CSMD1: variants seen among roughly 807,000 people sequenced by gnomAD.
The protein encoded by CSMD1 is CUB and Sushi multiple domains 1, also known as CUB and sushi domain-containing protein 1.
In CSMD1, 213 loss-of-function variants were observed where a neutral mutation model predicts 417.5. That is an observed-to-expected ratio of 0.51 (90% CI 0.46 to 0.57). The LOEUF (loss-of-function observed/expected upper bound fraction) is 0.57, where lower values mean the gene tolerates loss of function less well. Ranked by LOEUF, CSMD1 falls within the 20% of genes least tolerant of loss-of-function variation. The pLI is 0.00. For synonymous variants in CSMD1, 2,862 were observed against 1,736.8 expected (o/e 1.65, Z -16.11); for missense variants, 6,923 against 4,529.7 (o/e 1.53, Z -15.17).
Position 4,034,183 on chromosome 8 carries a change from G to A in CSMD1, c.416-2084C>T, listed in dbSNP as rs538901715. 9.0e-4 allele frequency among the ~76,000 whole-genome samples: 137 copies of A among 152,148 alleles called. 2 individuals carry two copies. The highest frequency in any genetic ancestry group is 3.3e-3 in the African/African-American group (135 of 41,514). On this transcript the variant is annotated intron_variant, in intron 3 of 69. Coordinates refer to ENST00000635120, the MANE Select transcript of CSMD1 (RefSeq NM_033225.6). ...AGAACATTTTTAGAATACGGAATAGGAATCATCTATTTCTAAAAGTATTTT... is the reference window on the plus strand; with the variant it reads ...AGAACATTTTTAGAATACGGAATAGAAATCATCTATTTCTAAAAGTATTTT...
At chr8:3,873,600 G>T (rs1418160029) in intron 5 of CSMD1, among the ~76,000 whole-genome samples, 1 of 151,792 alleles carries the variant, frequency 6.6e-6, no homozygotes, top group Non-Finnish European at 1.5e-5. Flanking sequence ...ATAACTAATG[G>T]GTACTCGGCA....
At chr8:4,118,092 A>T (rs1213277251) in intron 3 of CSMD1, among the ~76,000 whole-genome samples, 1 of 152,164 alleles carries the variant, frequency 6.6e-6, no homozygotes, top group African/African-American at 2.4e-5. Context: ...GACAAATTAT[A>T]AGGCTTGTGT....
intron 2 of CSMD1, among the ~76,000 whole-genome samples, chr8:4,559,180 T>C (rs1470893459): frequency 1.3e-5 from 2 of 152,220 alleles, no homozygotes; most frequent in East Asian, 3.9e-4. Flanking sequence ...TGTCAACTTA[T>C]GAGCATATGC....
intron 9 of CSMD1, among the ~76,000 whole-genome samples, chr8:3,582,064 G>A (rs574110827): frequency 6.6e-6 from 1 of 152,124 alleles, no homozygotes; most frequent in Non-Finnish European, 1.5e-5. Context: ...CAAAGGGCTG[G>A]GATTACAGGC....
chr8:3,439,310 T>TATATATATATATA (rs1491240170), intron 12 of CSMD1, among the ~76,000 whole-genome samples: 30 of 20,098 alleles, frequency 1.5e-3, no homozygotes, highest in African/African-American at 2.5e-3. Flanking sequence ...TATATATATA[T>TATATATATATATA]TTTTTTTTTT....
intron 5 of CSMD1, among the ~76,000 whole-genome samples, chr8:3,784,598 A>C (rs1799346895): frequency 6.6e-6 from 1 of 152,234 alleles, no homozygotes; most frequent in Admixed American, 6.5e-5. Context: ...GCTTCAATAT[A>C]TGCTTTAGCA....
At chr8:4,432,975 C>A (rs375745728) in intron 2 of CSMD1, among the ~76,000 whole-genome samples, 1 of 152,276 alleles carries the variant, frequency 6.6e-6, no homozygotes, top group African/African-American at 2.4e-5. Flanking sequence ...GCTCCACCCT[C>A]CTGTCAGATC....
chr8:3,173,226 T>C (rs931624710), intron 37 of CSMD1, among the ~76,000 whole-genome samples: 1 of 152,192 alleles, frequency 6.6e-6, no homozygotes, highest in Non-Finnish European at 1.5e-5. Context: ...TGTTATTAGT[T>C]TTTTGTGTTA....
intron 25 of CSMD1, among the ~76,000 whole-genome samples, chr8:3,306,779 T>C (rs1327601440): frequency 6.6e-6 from 1 of 152,086 alleles, no homozygotes; most frequent in Admixed American, 6.5e-5. Context: ...CCTTTTGCCT[T>C]ATGTGCTATG....
Position 2,936,385 on chromosome 8 carries a change from ATATG to A in CSMD1, c.*2196_*2199del, listed in dbSNP as rs1230485414. On this transcript the variant is annotated 3_prime_UTR_variant, in exon 70 of 70. Coordinates refer to ENST00000635120, the MANE Select transcript of CSMD1 (RefSeq NM_033225.6). ...AGATATGTACAATATATATATATAT[ATATG>A]TATGTATATATATACACTAATATGT... The A allele has an allele frequency of 1.3e-5, 2 of 150,514 alleles. No individual in the cohort carries two copies. Among genetic ancestry groups the A allele is most frequent in the Non-Finnish European group, 3.0e-5 (2 of 67,756 alleles). 9.3% of individuals were successfully genotyped at this position (150,514 alleles called of 1,614,324 possible).
At chr8:3,716,721 CCAG>C (rs1206522674) in intron 6 of CSMD1, among the ~76,000 whole-genome samples, 1 of 152,152 alleles carries the variant, frequency 6.6e-6, no homozygotes, top group African/African-American at 2.4e-5. Flanking sequence ...CTTACTTTCT[CCAG>C]CCCCTATTCA....
At chr8:4,255,183 C>T (rs1054348656) in intron 3 of CSMD1, among the ~76,000 whole-genome samples, 1 of 152,194 alleles carries the variant, frequency 6.6e-6, no homozygotes, top group African/African-American at 2.4e-5. Flanking sequence ...CTGGAAAGAG[C>T]ATGATGGGTG....
intron 3 of CSMD1, among the ~76,000 whole-genome samples, chr8:4,394,977 TAAG>T (rs1484811016): frequency 2.0e-5 from 3 of 152,154 alleles, no homozygotes; most frequent in Non-Finnish European, 4.4e-5. Context: ...AATTCACAGT[TAAG>T]AAAGGGAAGA....
At chr8:3,705,219 G>T (rs1313289522) in intron 7 of CSMD1, among the ~76,000 whole-genome samples, 1 of 152,140 alleles carries the variant, frequency 6.6e-6, no homozygotes, top group Non-Finnish European at 1.5e-5. Flanking sequence ...GGCAACAAGG[G>T]GCACAAGTTG....
intron 14 of CSMD1, among the ~76,000 whole-genome samples, chr8:3,407,019 GAGGAAGAATAGA>G (rs1812384307): frequency 6.6e-6 from 1 of 152,106 alleles, no homozygotes; most frequent in Admixed American, 6.6e-5. Flanking sequence ...GTATAGATGG[GAGGAAGAATAGA>G]AGGAAGAAAG....
chr8:4,523,540 C>G (rs1803598290), intron 2 of CSMD1, among the ~76,000 whole-genome samples: 1 of 152,132 alleles, frequency 6.6e-6, no homozygotes, highest in Non-Finnish European at 1.5e-5. Flanking sequence ...CACACACACT[C>G]ACACACATGC....
At chr8:3,655,336 A>C (rs2117410677) in intron 7 of CSMD1, among the ~76,000 whole-genome samples, 1 of 152,350 alleles carries the variant, frequency 6.6e-6, no homozygotes, top group African/African-American at 2.4e-5. Flanking sequence ...CACATTGTTT[A>C]CTGTCATCTT....
intron 19 of CSMD1, among the ~76,000 whole-genome samples, chr8:3,368,920 C>A (rs548122097): frequency 6.6e-6 from 1 of 152,288 alleles, no homozygotes; most frequent in East Asian, 1.9e-4. Flanking sequence ...GGAAGTTGGA[C>A]AATCGCTTAT....
At chr8:4,685,828 C>T (rs1348422900) in intron 1 of CSMD1, among the ~76,000 whole-genome samples, 2 of 152,244 alleles carry the variant, frequency 1.3e-5, no homozygotes, top group South Asian at 2.1e-4. Context: ...TTTCAATTTG[C>T]CATGACTCAT....
Sources: allele counts gnomAD v4.1 joint callset (sites outside exome capture counted in the v4.1 genomes callset), GRCh38; gene constraint gnomAD v4.1.1; transcripts MANE v1.5; gene names NCBI Gene and HGNC (gene_info 2026-07-23, HGNC 2026-07-21).